Variants in CLVS1 observed in about 807,000 individuals in gnomAD.
CLVS1 encodes clavesin 1.
A neutral mutation model predicts 33.1 loss-of-function variants in CLVS1; 10 were observed. That is an observed-to-expected ratio of 0.30 (90% CI 0.19 to 0.51). The LOEUF (loss-of-function observed/expected upper bound fraction) is 0.51, where lower values mean the gene tolerates loss of function less well. Among genes scored for constraint, CLVS1 ranks in the 20% least tolerant of loss-of-function variants. CLVS1 has a pLI of 0.97. For synonymous variants in CLVS1, 163 were observed against 166.1 expected (o/e 0.98, Z 0.14); for missense variants, 343 against 433.4 (o/e 0.79, Z 1.85).
At chr8:61,365,926 G>A (rs1230065529) in intron 2 of CLVS1, among the ~76,000 whole-genome samples, 1 of 152,066 alleles carries the variant, frequency 6.6e-6, no homozygotes, top group Non-Finnish European at 1.5e-5. Context: ...AAATAGAATG[G>A]CCAAAACGGA....
chr8:61,483,399 T>C (rs1803742573), intron 5 of CLVS1, among the ~76,000 whole-genome samples: 1 of 152,178 alleles, frequency 6.6e-6, no homozygotes, highest in African/African-American at 2.4e-5. Context: ...CAGGAAGAAG[T>C]TGAATCCCTG....
intron 2 of CLVS1, among the ~76,000 whole-genome samples, chr8:61,280,505 C>A (rs530190767): frequency 2.0e-5 from 3 of 152,308 alleles, no homozygotes; most frequent in East Asian, 3.9e-4. Flanking sequence ...GTTACAATCC[C>A]AGCTGCTCAA....
At chr8:61,077,466 T>C (rs1168597760) in intron 1 of CLVS1, among the ~76,000 whole-genome samples, 2 of 142,802 alleles carry the variant, frequency 1.4e-5, no homozygotes, top group African/African-American at 5.3e-5. Flanking sequence ...TTATTATTAT[T>C]ATTATTATTA....
chr8:61,477,033 T>G (rs2129607988), intron 5 of CLVS1, among the ~76,000 whole-genome samples: 1 of 152,352 alleles, frequency 6.6e-6, no homozygotes, highest in East Asian at 1.9e-4. Flanking sequence ...TCAAAGGCCT[T>G]TTCTGCATCT....
At chr8:61,164,468 C>T (rs944259019) in intron 2 of CLVS1, among the ~76,000 whole-genome samples, 24 of 152,274 alleles carry the variant, frequency 1.6e-4, no homozygotes, top group Middle Eastern at 3.4e-3. Flanking sequence ...TTGCGATTCC[C>T]GCTGTCTTCT....
chr8:61,104,856 T>G (rs958415481), intron 1 of CLVS1, among the ~76,000 whole-genome samples: 3 of 152,088 alleles, frequency 2.0e-5, no homozygotes, highest in Admixed American at 6.6e-5. Flanking sequence ...TTAGACAGAG[T>G]CTCGCTCTGT....
intron 5 of CLVS1, among the ~76,000 whole-genome samples, chr8:61,491,163 G>T (rs1804065628): frequency 6.6e-6 from 1 of 152,134 alleles, no homozygotes; most frequent in South Asian, 2.1e-4. Context: ...AGTGTGAATT[G>T]TAGAATTTTG....
chr8:61,356,136 A>G (rs6981574), intron 2 of CLVS1, among the ~76,000 whole-genome samples: 149,822 of 151,702 alleles, frequency 0.99, 73,991 homozygotes, highest in East Asian at 1. Flanking sequence ...TCTCATTGTG[A>G]TTTTGATTTG....
At chr8:61,078,825 A>T (rs985495289) in intron 1 of CLVS1, among the ~76,000 whole-genome samples, 2 of 152,236 alleles carry the variant, frequency 1.3e-5, no homozygotes, top group Non-Finnish European at 2.9e-5. Flanking sequence ...TATCATTGCA[A>T]CAATGAAGTT....
chr8:61,286,033 T>C (rs1333581053), upstream of CLVS1, among the ~76,000 whole-genome samples: 1 of 152,074 alleles, frequency 6.6e-6, no homozygotes, highest in African/African-American at 2.4e-5. Context: ...GCCATTTTTT[T>C]TTTAAGTTTG....
At chr8:60,967,757 G>C in the CLVS1 span, 1 of 451,806 alleles carries the variant, frequency 2.2e-6, no homozygotes, top group Non-Finnish European at 4.4e-6. Flanking sequence ...TGCCACCACC[G>C]GCATCCCTTT....
At chr8:61,367,922 C>T (rs1356611558) in intron 2 of CLVS1, among the ~76,000 whole-genome samples, 1 of 152,184 alleles carries the variant, frequency 6.6e-6, no homozygotes, top group Non-Finnish European at 1.5e-5. Flanking sequence ...GTACAAATGC[C>T]TCCTGACTCC....
At chr8:61,072,817 T>C (rs762778676) in intron 1 of CLVS1, among the ~76,000 whole-genome samples, 2 of 152,220 alleles carry the variant, frequency 1.3e-5, no homozygotes, top group Non-Finnish European at 2.9e-5. Flanking sequence ...ATTTTCCAAA[T>C]AGAATTGCTT....
chr8:61,162,628 G>A (rs1806775078), intron 2 of CLVS1, among the ~76,000 whole-genome samples: 1 of 152,180 alleles, frequency 6.6e-6, no homozygotes, highest in South Asian at 2.1e-4. Flanking sequence ...TGGTCCTTGG[G>A]TATAGCAACT....
At chr8:61,185,688 A>C (rs1272190990) in intron 2 of CLVS1, among the ~76,000 whole-genome samples, 1 of 152,192 alleles carries the variant, frequency 6.6e-6, no homozygotes, top group East Asian at 1.9e-4. Flanking sequence ...TTTAAATACT[A>C]AGACTTTGGG....
At chr8:61,013,376 G>A in the CLVS1 span, among the ~76,000 whole-genome samples, 3 of 152,178 alleles carry the variant, frequency 2.0e-5, no homozygotes, top group Non-Finnish European at 4.4e-5. Context: ...TTTCAGGGCT[G>A]TACCTCAGAC....
At chr8:61,101,256 A>G (rs969025058) in intron 1 of CLVS1, among the ~76,000 whole-genome samples, 5 of 152,126 alleles carry the variant, frequency 3.3e-5, no homozygotes, top group Non-Finnish European at 7.4e-5. Context: ...ATACTTTTTG[A>G]TTCTAGCCAT....
At chr8:61,447,301 T>A (rs1189472851) in intron 3 of CLVS1, among the ~76,000 whole-genome samples, 2 of 152,104 alleles carry the variant, frequency 1.3e-5, no homozygotes, top group Non-Finnish European at 2.9e-5. Flanking sequence ...ATGGACAGCA[T>A]ATATAGCAGA....
At chr8:61,307,256 C>G (rs1156375899) in intron 2 of CLVS1, among the ~76,000 whole-genome samples, 2 of 152,066 alleles carry the variant, frequency 1.3e-5, no homozygotes, top group African/African-American at 2.4e-5. Context: ...ATTAAAAGCT[C>G]AGAAATCAGC....
Sources: allele counts gnomAD v4.1 joint callset (sites outside exome capture counted in the v4.1 genomes callset), GRCh38; gene constraint gnomAD v4.1.1; transcripts MANE v1.5; gene names NCBI Gene and HGNC (gene_info 2026-07-23, HGNC 2026-07-21).